AMOTL1: variants seen among roughly 807,000 people sequenced by gnomAD.
AMOTL1 encodes angiomotin like 1, also known as angiomotin-like protein 1.
Under a neutral mutation model 102.9 loss-of-function variants are expected in AMOTL1, and 45 were observed. The observed-to-expected ratio is 0.44, with a 90% CI of 0.34 to 0.56. The LOEUF (loss-of-function observed/expected upper bound fraction) is 0.56, where lower values mean the gene tolerates loss of function less well. Ranked by LOEUF, AMOTL1 falls within the 20% of genes least tolerant of loss-of-function variation. The pLI is 0.01. For missense variants in AMOTL1, 1,114 were observed against 1,225.6 expected (o/e 0.91, Z 1.36); for synonymous variants, 481 against 484.7 (o/e 0.99, Z 0.10).
At chr11:94,837,278 A>G (rs922812917) in intron 6 of AMOTL1, among the ~76,000 whole-genome samples, 3 of 152,330 alleles carry the variant, frequency 2.0e-5, no homozygotes, top group Non-Finnish European at 4.4e-5. Context: ...CTTTAAAGTA[A>G]TAGAAGAATG....
chr11:94,859,508 T>C lies in AMOTL1; in HGVS notation c.1945-17T>C. The C allele has an allele frequency of 6.2e-7, 1 of 1,601,898 alleles. No homozygotes were observed. The highest frequency in any genetic ancestry group is 8.5e-7 in the Non-Finnish European group (1 of 1,173,204). On this transcript the variant is annotated splice_polypyrimidine_tract_variant and intron_variant, in intron 8 of 12. Coordinates refer to ENST00000433060, the MANE Select transcript of AMOTL1 (RefSeq NM_130847.3). ...GATGTGGTTTTGAGCATCAAGATTT[T>C]TTTTCTACTCCTTCAGAAACATGGA...
intron 3 of AMOTL1, among the ~76,000 whole-genome samples, chr11:94,754,894 A>G (rs1950702761): frequency 1.3e-5 from 2 of 152,180 alleles, no homozygotes; most frequent in African/African-American, 4.8e-5. Context: ...CTTCAGATAA[A>G]CAGATAATTT....
chr11:94,797,559 A>C (rs1951392436), intron 2 of AMOTL1, among the ~76,000 whole-genome samples: 2 of 152,220 alleles, frequency 1.3e-5, no homozygotes, highest in South Asian at 4.1e-4. Flanking sequence ...ATGGAGATAT[A>C]TACAAATGGA....
intron 2 of AMOTL1, among the ~76,000 whole-genome samples, chr11:94,729,227 G>A (rs1028733865): frequency 1.3e-5 from 2 of 152,136 alleles, no homozygotes; most frequent in East Asian, 1.9e-4. Flanking sequence ...TTCAGATACC[G>A]AATTCACTAT....
In AMOTL1 at chr11:94,819,540, A is replaced by C. The variant is rs141995542; in HGVS notation, c.1122-1990A>C. Among the ~76,000 whole-genome samples the C allele has an allele frequency of 2.8e-3, 432 of 152,344 alleles. 2 individuals are homozygous for C. The highest frequency in any genetic ancestry group is 0.01 in the African/African-American group (417 of 41,572). On this transcript the variant is annotated intron_variant, in intron 3 of 12. Coordinates refer to ENST00000433060, the MANE Select transcript of AMOTL1 (RefSeq NM_130847.3). The stretch of plus-strand genomic sequence containing the variant: ...TCAGTGAAAAGCTAATCAGAGACTC[A>C]AAATAATGCAACCAATTGTCTCTTT...
rs777941773 is a variant in AMOTL1, at chr11:94,876,644, A to G, written c.*5849A>G. On this transcript the variant is annotated 3_prime_UTR_variant, in exon 13 of 13. Coordinates refer to ENST00000433060, the MANE Select transcript of AMOTL1 (RefSeq NM_130847.3). ...TTAAACTTGTGCCTTAATATTGTAC[A>G]TAATAAATGGATAAAATGGCAAAAT... 9.8e-5 allele frequency: 15 copies of G among 152,674 alleles called. No individual in the cohort carries two copies. The highest frequency in any genetic ancestry group is 1.6e-4 in the Non-Finnish European group (11 of 68,042). 9.5% of individuals were successfully genotyped at this position (152,674 alleles called of 1,614,324 possible). A position where few individuals can be genotyped will look rare whatever the true frequency, so the allele number is the denominator to read the frequency against.
intron 2 of AMOTL1, among the ~76,000 whole-genome samples, chr11:94,735,493 A>C (rs1950425153): frequency 6.6e-6 from 1 of 152,184 alleles, no homozygotes; most frequent in Non-Finnish European, 1.5e-5. Context: ...AATTTTGTTT[A>C]AGATTTTACT....
intron 1 of AMOTL1, among the ~76,000 whole-genome samples, chr11:94,779,407 T>TATAGATAATA (rs779893629): frequency 3.3e-5 from 5 of 152,168 alleles, no homozygotes; most frequent in African/African-American, 7.2e-5. Context: ...GGGAGAGGCA[T>TATAGATAATA]ATAGATAATA....
chr11:94,773,599 G>A (rs991031775), intron 1 of AMOTL1, among the ~76,000 whole-genome samples: 4 of 152,182 alleles, frequency 2.6e-5, no homozygotes, highest in Non-Finnish European at 4.4e-5. Flanking sequence ...TGGTCCAGGC[G>A]GTCAGGGAGG....
intron 7 of AMOTL1, among the ~76,000 whole-genome samples, chr11:94,852,382 T>C (rs142310661): frequency 2.0e-5 from 3 of 152,332 alleles, no homozygotes; most frequent in East Asian, 3.9e-4. Flanking sequence ...AGCAGCTAAA[T>C]CACTAGCATG....
intron 12 of AMOTL1, among the ~76,000 whole-genome samples, chr11:94,870,430 G>T (rs1952973900): frequency 6.6e-6 from 1 of 152,224 alleles, no homozygotes; most frequent in South Asian, 2.1e-4. Flanking sequence ...AGTAGAGGGT[G>T]TGAGGGGCTC....
chr11:94,718,230 A>G (rs1475802577), intron 1 of AMOTL1, among the ~76,000 whole-genome samples: 3 of 151,904 alleles, frequency 2.0e-5, no homozygotes, highest in Non-Finnish European at 4.4e-5. Flanking sequence ...TACAATTTAC[A>G]GGAAATTTGT....
chr11:94,837,347 CAG>C (rs1344433185), intron 6 of AMOTL1, among the ~76,000 whole-genome samples: 1 of 152,198 alleles, frequency 6.6e-6, no homozygotes, highest in Non-Finnish European at 1.5e-5. Flanking sequence ...AAATGTGAAG[CAG>C]AGTCTATAAA....
chr11:94,710,747 A>AT (rs1950011332), intron 1 of AMOTL1, among the ~76,000 whole-genome samples: 1 of 152,092 alleles, frequency 6.6e-6, no homozygotes, highest in Non-Finnish European at 1.5e-5. Flanking sequence ...TTCTACTGCC[A>AT]TTTTTTGTCC....
intron 2 of AMOTL1, among the ~76,000 whole-genome samples, chr11:94,729,929 G>C (rs1217487820): frequency 1.3e-5 from 2 of 152,056 alleles, no homozygotes; most frequent in African/African-American, 4.8e-5. Context: ...AACTTATATG[G>C]CAACAAACAT....
At chr11:94,836,573 A>T (rs957084083) in intron 6 of AMOTL1, among the ~76,000 whole-genome samples, 1 of 152,232 alleles carries the variant, frequency 6.6e-6, no homozygotes, top group Admixed American at 6.5e-5. Flanking sequence ...ATAGGCTTGA[A>T]ATTATCCTTA....
intron 3 of AMOTL1, among the ~76,000 whole-genome samples, chr11:94,809,844 C>T (rs1247741704): frequency 7.1e-6 from 1 of 140,300 alleles, no homozygotes; most frequent in Non-Finnish European, 1.5e-5. Context: ...GCATTTGGCT[C>T]AAAGTCTGTT....
intron 2 of AMOTL1, among the ~76,000 whole-genome samples, chr11:94,736,212 T>C (rs978812635): frequency 6.6e-6 from 1 of 152,222 alleles, no homozygotes; most frequent in Admixed American, 6.5e-5. Context: ...CAATCTGGCA[T>C]GCTCTAGCCC....
chr11:94,730,675 T>A lies in AMOTL1; in HGVS notation c.85+1620T>A, dbSNP rs370752692. Among the ~76,000 whole-genome samples the A allele has an allele frequency of 2.0e-4, 31 of 152,220 alleles. 1 individual carries two copies. The highest frequency in any genetic ancestry group is 7.5e-4 in the African/African-American group (31 of 41,540). On this transcript the variant is annotated intron_variant, in intron 2 of 4. Coordinates refer to the AMOTL1 transcript ENST00000299004. ...ATGGCTGGCTGGCTGTGTGGCTGGA[T>A]GAATGAATGAATGAATGAATGACAG...
Sources: gnomAD v4.1 joint callset for allele counts (sites outside exome capture counted in the v4.1 genomes callset) on GRCh38, gnomAD v4.1.1 for gene constraint, MANE v1.5 for transcripts, NCBI Gene and HGNC (gene_info 2026-07-23, HGNC 2026-07-21) for gene names.